Variants in IQCH observed in about 807,000 individuals in gnomAD.
IQCH encodes the protein IQ domain-containing protein H.
IQCH carries 98 observed loss-of-function variants against 117.0 expected under a neutral mutation model. The ratio of observed to expected loss-of-function variants is 0.84; its 90% CI spans 0.71 to 0.99. The LOEUF is 0.99. IQCH is among the 50% of genes least tolerant of loss of function. IQCH has a pLI of 0.00. For missense variants in IQCH, 1,102 were observed against 1,243.8 expected, an observed-to-expected ratio of 0.89 and a Z score of 1.72; for synonymous variants, 412 against 448.2, an observed-to-expected ratio of 0.92 and a Z score of 1.02.
In IQCH at chr15:67,443,921, AC is replaced by A. The variant is rs1415006068; in HGVS notation, c.2506-21205del. On this transcript the variant is annotated intron_variant, in intron 16 of 20. Coordinates refer to ENST00000335894, the MANE Select transcript of IQCH (RefSeq NM_001031715.3). This position sits in a 1 kb window ranked among gnomAD's most constrained non-coding sequence, Gnocchi z 5.0. Reference sequence around the variant, plus strand: ...TTATCCCTAATTTACAAATGAGGAAACTGAGGCTGGAGTGACATGTTCAAGG... The same window carrying A: ...TTATCCCTAATTTACAAATGAGGAAATGAGGCTGGAGTGACATGTTCAAGG... 1.3e-5 allele frequency among the ~76,000 whole-genome samples: 2 copies of A among 152,244 alleles called. No homozygotes were observed. The highest frequency in any genetic ancestry group is 2.9e-5 in the Non-Finnish European group (2 of 68,050).
chr15:67,411,761 C>T lies in IQCH; in HGVS notation c.2098-5170C>T, dbSNP rs1377959293. Among the ~76,000 whole-genome samples the T allele has an allele frequency of 6.6e-6, 1 of 152,184 alleles. No homozygotes were observed. The highest frequency in any genetic ancestry group is 1.5e-5 in the Non-Finnish European group (1 of 68,038). On this transcript the variant is annotated intron_variant, in intron 14 of 20. Coordinates refer to ENST00000335894, the MANE Select transcript of IQCH (RefSeq NM_001031715.3). The surrounding 1 kb of genome is among the most constrained non-coding windows in gnomAD (Gnocchi z 4.4). ...TGCAGTATTAAGCTTTAGTCACTAGCTTTAGTCATTGAGTGCAATGGAGAG... is the reference window on the plus strand; with the variant it reads ...TGCAGTATTAAGCTTTAGTCACTAGTTTTAGTCATTGAGTGCAATGGAGAG...
intron 3 of IQCH, among the ~76,000 whole-genome samples, chr15:67,272,566 T>C (rs1965943661): frequency 6.6e-6 from 1 of 152,202 alleles, no homozygotes; most frequent in Admixed American, 6.5e-5. Context: ...ATCTCTCTCT[T>C]TTGGCTCTGT....
chr15:67,287,260 G>A (rs1012434503), intron 4 of IQCH, among the ~76,000 whole-genome samples: 2 of 152,120 alleles, frequency 1.3e-5, no homozygotes, highest in Non-Finnish European at 2.9e-5. Flanking sequence ...TCTGGCTTTG[G>A]TATCAGGGTA....
rs182979134 is a variant in IQCH at position 67,307,024 on chromosome 15, A to G, written c.387+27512A>G. 1.8e-3 allele frequency: 2,367 copies of G among 1,342,310 alleles called. 6 individuals carry two copies. The highest frequency in any genetic ancestry group is 1.8e-3 in the Non-Finnish European group (1,887 of 1,049,482). The allele number at this position is 1,342,310 out of a possible 1,614,324, so 83.1% of individuals were successfully genotyped here. A position where few individuals can be genotyped will look rare whatever the true frequency, so the allele number is the denominator to read the frequency against. On this transcript the variant is annotated intron_variant, in intron 4 of 20. Transcript: ENST00000335894. Reference sequence around the variant, plus strand: ...ATGTATCTGTTAACATGAATTTTAAAAGAACAATTATGAATGCATAACAAA... The same window carrying G: ...ATGTATCTGTTAACATGAATTTTAAGAGAACAATTATGAATGCATAACAAA...
At position 67,281,660 on chromosome 15, in the gene IQCH, G is replaced by A. The variant is rs182662623; in HGVS notation, c.387+2148G>A. The A allele has an allele frequency of 2.3e-4, 104 of 454,038 alleles. No homozygotes were observed. In the East Asian group the frequency reaches 4.2e-3, roughly 19 times the overall value. The allele number at this position is 454,038 out of a possible 1,614,324, so 28.1% of individuals were successfully genotyped here. ...TGACTGGAAAGGGGAGGCCTTGGCA[G>A]CATTGGTGGAGATTCTCTACAGAAG... On this transcript the variant is annotated intron_variant, in intron 4 of 20. Transcript: ENST00000335894.
Position 67,342,381 on chromosome 15 carries a change from G to T in IQCH, c.509-1682G>T, listed in dbSNP as rs1387409641. ...AGATACTCAGTAATCTCTTCTGCTT[G>T]TTCGAAAATCTTAATTTTTTCCTTC... On this transcript the variant is annotated intron_variant, in intron 5 of 20. Coordinates refer to ENST00000335894, the MANE Select transcript of IQCH (RefSeq NM_001031715.3). This position sits in a 1 kb window ranked among gnomAD's most constrained non-coding sequence, Gnocchi z 4.7. 6.6e-6 allele frequency among the ~76,000 whole-genome samples: 1 copy of T among 152,042 alleles called. No homozygotes were observed. Among genetic ancestry groups the T allele is most frequent in the Non-Finnish European group, 1.5e-5 (1 of 68,018 alleles).
In IQCH at chr15:67,372,627, CAGA is replaced by C; in HGVS notation, c.1271_1273del (p.Gln424del). On this transcript the variant is annotated inframe_deletion, in exon 9 of 21. Coordinates refer to ENST00000335894, the MANE Select transcript of IQCH (RefSeq NM_001031715.3). ...AAAGAAGATACTAAAGGAATCACGTCAGAGACACCTGGAGAATTTTCGCATTCG... is the reference window on the plus strand; with the variant it reads ...AAAGAAGATACTAAAGGAATCACGTCGACACCTGGAGAATTTTCGCATTCG... 1 of 1,610,310 alleles carries C rather than the reference CAGA, an allele frequency of 6.2e-7. No homozygotes were observed.
At chr15:67,440,221 T>G (rs995681533) in intron 16 of IQCH, among the ~76,000 whole-genome samples, 1 of 152,138 alleles carries the variant, frequency 6.6e-6, no homozygotes, top group Non-Finnish European at 1.5e-5. Context: ...ATTGAAGTGG[T>G]AATTTAAAAG....
At chr15:67,462,158 G>A (rs1340388946) in intron 16 of IQCH, among the ~76,000 whole-genome samples, 1 of 151,462 alleles carries the variant, frequency 6.6e-6, no homozygotes, top group African/African-American at 2.4e-5. Context: ...AAGGTTGGGC[G>A]CGGTGGCTCA....
Position 67,370,967 on chromosome 15 carries a change from G to GC in IQCH, c.754-1144_754-1143insC, listed in dbSNP as rs1398222812. ...AATCATTATGGATAAATTGCTGGGG[G>GC]GGGTTTTCTTTGAGTTTTTTGAAAA... On this transcript the variant is annotated intron_variant, in intron 8 of 20. Transcript: ENST00000335894. This position sits in a 1 kb window ranked among gnomAD's most constrained non-coding sequence, Gnocchi z 5.6. Among the ~76,000 whole-genome samples, 3 of 151,428 alleles carry GC rather than the reference G, an allele frequency of 2.0e-5. No homozygotes were observed. Among genetic ancestry groups the GC allele is most frequent in the Admixed American group, 6.6e-5 (1 of 15,196 alleles).
chr15:67,307,114 G>GA (rs1282817681), intron 4 of IQCH: 7 of 1,151,414 alleles, frequency 6.1e-6, no homozygotes, highest in East Asian at 4.3e-5. Flanking sequence ...TTATGACCTA[G>GA]AAAAAAATCA....
chr15:67,398,825 G>A (rs1035503006), intron 13 of IQCH, among the ~76,000 whole-genome samples: 1 of 152,052 alleles, frequency 6.6e-6, no homozygotes, highest in Non-Finnish European at 1.5e-5. Flanking sequence ...GCCAAGAACA[G>A]CATGGGAAGG....
rs1350559066 is a variant in IQCH at position 67,447,887 on chromosome 15, T to C, written c.2506-17240T>C. Among the ~76,000 whole-genome samples the C allele has an allele frequency of 6.6e-6, 1 of 152,190 alleles. No individual in the cohort carries two copies. Reference sequence around the variant, plus strand: ...GCTGATGGAGCCAGATTTATGCTAATATATATTCTTTCTTCCAGATCATGA... The same window carrying C: ...GCTGATGGAGCCAGATTTATGCTAACATATATTCTTTCTTCCAGATCATGA... On this transcript the variant is annotated intron_variant, in intron 16 of 20. Coordinates refer to ENST00000335894, the MANE Select transcript of IQCH (RefSeq NM_001031715.3). This position sits in a 1 kb window ranked among gnomAD's most constrained non-coding sequence, Gnocchi z 5.3.
intron 20 of IQCH, among the ~76,000 whole-genome samples, chr15:67,498,959 C>T (rs1009685011): frequency 6.6e-6 from 1 of 151,842 alleles, no homozygotes; most frequent in African/African-American, 2.4e-5. Context: ...GACAAATAAC[C>T]CAATTTTAAA....
intron 4 of IQCH, among the ~76,000 whole-genome samples, chr15:67,321,678 G>A (rs1968141640): frequency 6.6e-6 from 1 of 150,552 alleles, no homozygotes; most frequent in Admixed American, 6.6e-5. Context: ...CCTGAGCTTT[G>A]GCAGCAGGGT....
At chr15:67,379,815 G>A (rs192946226) in intron 10 of IQCH, among the ~76,000 whole-genome samples, 2 of 152,234 alleles carry the variant, frequency 1.3e-5, no homozygotes, top group African/African-American at 2.4e-5. Context: ...ATGTGGAACT[G>A]TGAGTCAAAT....
rs564145333 is a variant in IQCH, at chr15:67,312,412, T to C, written c.388-24563T>C. Among the ~76,000 whole-genome samples the C allele has an allele frequency of 2.5e-4, 38 of 152,208 alleles. No homozygotes were observed. The East Asian group carries it at 6.2e-3, about 25-fold the overall frequency. On this transcript the variant is annotated intron_variant, in intron 4 of 20. Transcript: ENST00000335894. ...CACGACGTCCCAAAAGTTAGAGCCG[T>C]GATAGATCTTTTCTTTCACGCAAAA...
Position 67,465,048 on chromosome 15 carries a change from G to T in IQCH, c.2506-79G>T. 7.5e-7 allele frequency: 1 copy of T among 1,337,044 alleles called. No individual in the cohort carries two copies. Among genetic ancestry groups the T allele is most frequent in the Non-Finnish European group, 1.1e-6 (1 of 950,906 alleles). 82.8% of individuals were successfully genotyped at this position (1,337,044 alleles called of 1,614,324 possible). ...GGTTTCACTTAGTCTGATGTAGTTT[G>T]GTCTGGTTAGGCAGAGGTGGGGCCT... On this transcript the variant is annotated intron_variant, in intron 16 of 20. Coordinates refer to ENST00000335894, the MANE Select transcript of IQCH (RefSeq NM_001031715.3). The surrounding 1 kb of genome is among the most constrained non-coding windows in gnomAD (Gnocchi z 5.9).
At position 67,393,852 on chromosome 15, in the gene IQCH, T is replaced by C. The variant is rs1971369011; in HGVS notation, c.1633-1439T>C. ...TTTAAGAGGGTTTTCTCTGTAATAA[T>C]AACTATTACCATTTGTTGAGTATCA... On this transcript the variant is annotated intron_variant, in intron 12 of 20. Coordinates refer to ENST00000335894, the MANE Select transcript of IQCH (RefSeq NM_001031715.3). This position sits in a 1 kb window ranked among gnomAD's most constrained non-coding sequence, Gnocchi z 5.5. 6.6e-6 allele frequency among the ~76,000 whole-genome samples: 1 copy of C among 152,182 alleles called. No individual in the cohort carries two copies. Among genetic ancestry groups the C allele is most frequent in the African/African-American group, 2.4e-5 (1 of 41,450 alleles).
Sources: allele counts gnomAD v4.1 joint callset (sites outside exome capture counted in the v4.1 genomes callset), GRCh38; gene constraint gnomAD v4.1.1; non-coding constraint Gnocchi (gnomAD v3.1); transcripts MANE v1.5; gene names NCBI Gene and HGNC (gene_info 2026-07-23, HGNC 2026-07-21).